GNAI3: variants seen among roughly 807,000 people sequenced by gnomAD.
GNAI3 encodes the protein G protein subunit alpha i3.
GNAI3 carries 12 observed loss-of-function variants against 41.8 expected under a neutral mutation model. The observed-to-expected ratio is 0.29, with a 90% CI of 0.18 to 0.47. The LOEUF (loss-of-function observed/expected upper bound fraction) is 0.47, where lower values mean the gene tolerates loss of function less well. GNAI3 is among the 20% of genes least tolerant of loss of function. The pLI is 1.00. For missense variants in GNAI3, 360 were observed against 429.6 expected, an observed-to-expected ratio of 0.84 and a Z score of 1.43; for synonymous variants, 132 against 146.5, an observed-to-expected ratio of 0.90 and a Z score of 0.71.
At chr1:109,578,617 G>C (rs1648817216) in intron 3 of GNAI3, among the ~76,000 whole-genome samples, 1 of 151,996 alleles carries the variant, frequency 6.6e-6, no homozygotes, top group African/African-American at 2.4e-5. Flanking sequence ...GGGAAATCTA[G>C]GGACTGTTTG....
At chr1:109,555,690 T>C (rs370587921) in intron 1 of GNAI3, among the ~76,000 whole-genome samples, 2 of 152,210 alleles carry the variant, frequency 1.3e-5, no homozygotes, top group Non-Finnish European at 2.9e-5. Context: ...ACTAAACTTA[T>C]ATGCATTATT....
chr1:109,575,702 T>C (rs1029298116), intron 3 of GNAI3, among the ~76,000 whole-genome samples: 2 of 152,060 alleles, frequency 1.3e-5, no homozygotes, highest in African/African-American at 4.8e-5. Flanking sequence ...CAGCTAATTT[T>C]TGTATTTTTA....
At chr1:109,576,804 G>A (rs1053274457) in intron 3 of GNAI3, among the ~76,000 whole-genome samples, 34 of 152,302 alleles carry the variant, frequency 2.2e-4, no homozygotes, top group African/African-American at 6.7e-4. Flanking sequence ...TTACAGGCGT[G>A]AGCCACCATG....
intron 1 of GNAI3, among the ~76,000 whole-genome samples, chr1:109,550,531 C>T (rs938114572): frequency 1.3e-5 from 2 of 150,314 alleles, no homozygotes; most frequent in African/African-American, 4.9e-5. Flanking sequence ...ACATTCAGGG[C>T]GTTAACTTTT....
intron 5 of GNAI3, 27 bp from the exon 6 acceptor site, chr1:109,586,189 G>GA: frequency 6.2e-7 from 1 of 1,609,118 alleles, no homozygotes; most frequent in Non-Finnish European, 8.5e-7. Context: ...TGACCTTGCT[G>GA]AATTTGCTTT....
intron 1 of GNAI3, among the ~76,000 whole-genome samples, chr1:109,549,240 T>A (rs969958137): frequency 6.6e-6 from 1 of 152,174 alleles, no homozygotes; most frequent in African/African-American, 2.4e-5. Flanking sequence ...TATAATGGTT[T>A]GTGAGTTTGG....
At chr1:109,564,435 A>T (rs1363007070) in intron 1 of GNAI3, among the ~76,000 whole-genome samples, 1 of 151,138 alleles carries the variant, frequency 6.6e-6, no homozygotes, top group African/African-American at 2.4e-5. Flanking sequence ...CACTTACTTG[A>T]TGTCTCTTTT....
chr1:109,556,045 C>CTT (rs1220346155), intron 1 of GNAI3, among the ~76,000 whole-genome samples: 1 of 135,256 alleles, frequency 7.4e-6, no homozygotes, highest in African/African-American at 2.9e-5. Flanking sequence ...CATTCTTTTT[C>CTT]TTTTTTTTTT....
chr1:109,572,698 G>C (rs1294800870), intron 1 of GNAI3, among the ~76,000 whole-genome samples: 1 of 152,048 alleles, frequency 6.6e-6, no homozygotes, highest in Non-Finnish European at 1.5e-5. Flanking sequence ...GAAAGTTAGG[G>C]GTGTGTATGT....
chr1:109,576,148 A>G (rs1057290049), intron 3 of GNAI3, among the ~76,000 whole-genome samples: 19 of 152,042 alleles, frequency 1.2e-4, no homozygotes, highest in Non-Finnish European at 8.8e-5. Flanking sequence ...GGCTCACTGC[A>G]ACCTCTGCCT....
At chr1:109,551,027 G>C (rs577735789) in intron 1 of GNAI3, among the ~76,000 whole-genome samples, 1 of 152,320 alleles carries the variant, frequency 6.6e-6, no homozygotes, top group African/African-American at 2.4e-5. Context: ...AACTTGTCCA[G>C]ATGTCTAGAA....
intron 7 of GNAI3, among the ~76,000 whole-genome samples, chr1:109,589,299 C>T (rs1649111662): frequency 1.3e-5 from 2 of 152,168 alleles, no homozygotes; most frequent in African/African-American, 4.8e-5. Flanking sequence ...ACAGTGTTAT[C>T]TGCAGATAAG....
intron 5 of GNAI3, among the ~76,000 whole-genome samples, chr1:109,583,382 TA>T (rs1334069735): frequency 6.6e-6 from 1 of 151,994 alleles, no homozygotes; most frequent in African/African-American, 2.4e-5. Context: ...GCTAATGTTT[TA>T]AAAAAATTTT....
At chr1:109,560,894 A>G (rs1648294685) in intron 1 of GNAI3, among the ~76,000 whole-genome samples, 1 of 152,222 alleles carries the variant, frequency 6.6e-6, no homozygotes, top group Non-Finnish European at 1.5e-5. Context: ...AGTTTTGCCT[A>G]GGATCTTGTA....
intron 4 of GNAI3, among the ~76,000 whole-genome samples, chr1:109,579,932 T>C (rs1433011563): frequency 3.9e-5 from 6 of 152,286 alleles, no homozygotes; most frequent in Admixed American, 6.5e-5. Context: ...TGAATACTTA[T>C]ATTAAGCTAT....
Position 109,573,961 on chromosome 1 carries a change from A to T in GNAI3, c.227A>T (p.Asn76Ile). ...CKQYKVVVYS[N>I]TIQSIIAIIR... is the part of the protein sequence containing the mutation. ...CAATATAAAGTAGTTGTCTACAGCAATACTATACAGTCCATCATTGCAATC... is the reference window on the plus strand; with the variant it reads ...CAATATAAAGTAGTTGTCTACAGCATTACTATACAGTCCATCATTGCAATC... The change falls in exon 3 of 9, where the codon AAT becomes ATT. Residue 76 changes from asparagine to isoleucine, a missense_variant. Transcript: ENST00000369851. The T allele has an allele frequency of 6.2e-7, 1 of 1,608,636 alleles. No individual in the cohort carries two copies. The highest frequency in any genetic ancestry group is 8.5e-7 in the Non-Finnish European group (1 of 1,175,034).
rs537494208 is a variant in GNAI3, at chr1:109,597,374, A to G, written c.*5052A>G. On this transcript the variant is annotated 3_prime_UTR_variant, in exon 9 of 9. Coordinates refer to ENST00000369851, the MANE Select transcript of GNAI3 (RefSeq NM_006496.4). ...CTACTCGGGAGGCTGAGGCAGGAGA[A>G]TCGCTTGAACCTGGGAGGCAGAGGT... 2.3e-4 allele frequency: 35 copies of G among 152,582 alleles called. No individual in the cohort carries two copies. Among genetic ancestry groups the G allele is most frequent in the Middle Eastern group, 6.5e-3 (2 of 306 alleles). The allele number at this position is 152,582 out of a possible 1,614,324, so 9.5% of individuals were successfully genotyped here.
chr1:109,578,486 AAAAAAG>A (rs1337689885), intron 3 of GNAI3, among the ~76,000 whole-genome samples: 118 of 151,328 alleles, frequency 7.8e-4, no homozygotes, highest in Admixed American at 1.1e-3. Context: ...AAAAAAAAAA[AAAAAAG>A]AAAAGAAATA....
chr1:109,568,760 T>A (rs929382635), intron 1 of GNAI3, among the ~76,000 whole-genome samples: 1 of 152,156 alleles, frequency 6.6e-6, no homozygotes, highest in African/African-American at 2.4e-5. Flanking sequence ...TGTAACTCAC[T>A]GCAACCTTGA....
Sources: allele counts gnomAD v4.1 joint callset (sites outside exome capture counted in the v4.1 genomes callset), GRCh38; gene constraint gnomAD v4.1.1; transcripts MANE v1.5; gene names NCBI Gene and HGNC (gene_info 2026-07-23, HGNC 2026-07-21).